Variants in C19orf12 observed in about 807,000 individuals in gnomAD.
C19orf12 encodes the protein protein C19orf12.
Under a neutral mutation model 3.8 loss-of-function variants are expected in C19orf12, and 2 were observed. The observed-to-expected ratio is 0.53, with a 90% confidence interval of 0.22 to 1.66. The LOEUF is 1.66. C19orf12 is among the 40% of genes most tolerant of loss of function. The pLI is 0.20. For missense variants in C19orf12, 156 were observed against 188.8 expected (o/e 0.83, Z 1.02); for synonymous variants, 89 against 84.6 (o/e 1.05, Z -0.28).
Position 29,699,495 on chromosome 19 carries a change from A to G in C19orf12, c.*3217T>C, listed in dbSNP as rs769521665. ...GAGACTCCATCTCAAAAAAAAAAAA[A>G]AGAAAAAAAGAAAAAAATATATGTG... On this transcript the variant is annotated 3_prime_UTR_variant, in exon 3 of 3. Coordinates refer to ENST00000323670, the MANE Select transcript of C19orf12 (RefSeq NM_031448.6). 4.1e-3 allele frequency: 1,716 copies of G among 417,224 alleles called. 27 individuals carry two copies. The highest frequency in any genetic ancestry group is 0.034 in the African/African-American group (1,602 of 47,154). 25.8% of individuals were successfully genotyped at this position (417,224 alleles called of 1,614,324 possible). A position where few individuals can be genotyped will look rare whatever the true frequency, so the allele number is the denominator to read the frequency against.
Position 29,699,614 on chromosome 19 carries a change from T to C in C19orf12, c.*3098A>G, listed in dbSNP as rs1184316261. The C allele has an allele frequency of 5.5e-6, 2 of 364,156 alleles. No individual in the cohort carries two copies. The highest frequency in any genetic ancestry group is 2.7e-5 in the Admixed American group (1 of 36,684). The allele number at this position is 364,156 out of a possible 1,614,324, so 22.6% of individuals were successfully genotyped here. A position where few individuals can be genotyped will look rare whatever the true frequency, so the allele number is the denominator to read the frequency against. ...GAAATTTGTAGTTTTTATTTCATTATATTTTCTGGGTTTTTCTAGGTTTTC... is the reference window on the plus strand; with the variant it reads ...GAAATTTGTAGTTTTTATTTCATTACATTTTCTGGGTTTTTCTAGGTTTTC... On this transcript the variant is annotated 3_prime_UTR_variant, in exon 3 of 3. Transcript: ENST00000323670.
intron 1 of C19orf12, among the ~76,000 whole-genome samples, chr19:29,709,685 C>CA (rs1419953185): frequency 6.6e-6 from 1 of 151,338 alleles, no homozygotes; most frequent in Non-Finnish European, 1.5e-5. Context: ...ATGCAATCAC[C>CA]ACGCCCAGCT....
At position 29,700,435 on chromosome 19, in the gene C19orf12, A is replaced by G. The variant is rs1387418820; in HGVS notation, c.*2277T>C. ...CTTCACACTAAAAACGGGCAACTTT[A>G]GAGCCCACTAAAGCTATACAAAATT... is the stretch of plus-strand genomic sequence containing the variant. On this transcript the variant is annotated 3_prime_UTR_variant, in exon 3 of 3. Transcript: ENST00000323670. The G allele has an allele frequency of 2.2e-6, 1 of 454,150 alleles. No homozygotes were observed. The highest frequency in any genetic ancestry group is 4.4e-6 in the Non-Finnish European group (1 of 226,798). The allele number at this position is 454,150 out of a possible 1,614,324, so 28.1% of individuals were successfully genotyped here.
At position 29,700,082 on chromosome 19, in the gene C19orf12, C is replaced by T; in HGVS notation, c.*2630G>A. ...AAACTGATCAGGAGTTGGACCATCT[C>T]CTCCCTGGGCATTTTTCCCTGCAGT... On this transcript the variant is annotated 3_prime_UTR_variant, in exon 3 of 3. Transcript: ENST00000323670. The T allele has an allele frequency of 2.2e-6, 1 of 454,066 alleles. No individual in the cohort carries two copies. The highest frequency in any genetic ancestry group is 4.4e-6 in the Non-Finnish European group (1 of 226,800). 28.1% of individuals were successfully genotyped at this position (454,066 alleles called of 1,614,324 possible). A position where few individuals can be genotyped will look rare whatever the true frequency, so the allele number is the denominator to read the frequency against.
chr19:29,699,786 G>A lies in C19orf12; in HGVS notation c.*2926C>T, dbSNP rs981059997. Reference sequence around the variant, plus strand: ...CTTCCCTTGCAGCTTGCGCCCTCCCGTACCTTTTAAATTTTGTACCAGGCA... The same window carrying A: ...CTTCCCTTGCAGCTTGCGCCCTCCCATACCTTTTAAATTTTGTACCAGGCA... On this transcript the variant is annotated 3_prime_UTR_variant, in exon 3 of 3. Transcript: ENST00000323670. The A allele has an allele frequency of 6.0e-5, 27 of 451,824 alleles. No individual in the cohort carries two copies. The highest frequency in any genetic ancestry group is 1.7e-4 in the Admixed American group (7 of 42,090). The allele number at this position is 451,824 out of a possible 1,614,324, so 28.0% of individuals were successfully genotyped here.
At chr19:29,714,515 G>A (rs1270864397) in intron 1 of C19orf12, among the ~76,000 whole-genome samples, 1 of 151,906 alleles carries the variant, frequency 6.6e-6, no homozygotes, top group African/African-American at 2.4e-5. Context: ...CAAACTACCT[G>A]CCATCCCCAA....
At chr19:29,712,975 G>A (rs1247886675) in intron 1 of C19orf12, among the ~76,000 whole-genome samples, 1 of 152,260 alleles carries the variant, frequency 6.6e-6, no homozygotes, top group Non-Finnish European at 1.5e-5. Context: ...CACGGGTAGA[G>A]ATGTTGTGGC....
In C19orf12 at chr19:29,699,491, AAAAAAG is replaced by A; in HGVS notation, c.*3215_*3220del. On this transcript the variant is annotated 3_prime_UTR_variant, in exon 3 of 3. Transcript: ENST00000323670. Reference sequence around the variant, plus strand: ...GTGCGAGACTCCATCTCAAAAAAAAAAAAAAGAAAAAAAGAAAAAAATATATGTGTA... The same window carrying A: ...GTGCGAGACTCCATCTCAAAAAAAAAAAAAAAAGAAAAAAATATATGTGTA... The A allele has an allele frequency of 2.4e-6, 1 of 421,238 alleles. No homozygotes were observed. Among genetic ancestry groups the A allele is most frequent in the Non-Finnish European group, 4.6e-6 (1 of 218,648 alleles). 26.1% of individuals were successfully genotyped at this position (421,238 alleles called of 1,614,324 possible).
Position 29,699,109 on chromosome 19 carries a change from T to C in C19orf12, c.*3603A>G. 1 of 453,966 alleles carries C rather than the reference T, an allele frequency of 2.2e-6. No individual in the cohort carries two copies. Among genetic ancestry groups the C allele is most frequent in the Non-Finnish European group, 4.4e-6 (1 of 226,752 alleles). The allele number at this position is 453,966 out of a possible 1,614,324, so 28.1% of individuals were successfully genotyped here. On this transcript the variant is annotated 3_prime_UTR_variant, in exon 3 of 3. Transcript: ENST00000323670. ...ATTTTAAATTACATCAAAAATATTA[T>C]TTAACATTCATTGATACAGGTGTTC...
At chr19:29,708,903 A>G (rs1258824035) in intron 1 of C19orf12, among the ~76,000 whole-genome samples, 2 of 152,198 alleles carry the variant, frequency 1.3e-5, no homozygotes, top group Non-Finnish European at 2.9e-5. Context: ...ACTGACCTGC[A>G]GTGGGCCCTG....
At chr19:29,715,060 T>G in intron 1 of C19orf12, 65 bp downstream of exon 1, 3 of 621,854 alleles carry the variant, frequency 4.8e-6, no homozygotes, top group Non-Finnish European at 2.9e-6. Flanking sequence ...GCTCTTGGGG[T>G]GCCCCCTCCT....
chr19:29,706,032 G>A (rs1446922764), intron 2 of C19orf12, among the ~76,000 whole-genome samples: 5 of 152,168 alleles, frequency 3.3e-5, no homozygotes. Context: ...CAAAACCAGC[G>A]CTTGCTTCTT....
At position 29,702,275 on chromosome 19, in the gene C19orf12, G is replaced by T. The variant is rs1048104; in HGVS notation, c.*437C>A. Reference sequence around the variant, plus strand: ...GGCCCTGAGACCCCAGGACCTGCAGGGGGGTGGGATCCAGTCCTGCAGCAG... The same window carrying T: ...GGCCCTGAGACCCCAGGACCTGCAGTGGGGTGGGATCCAGTCCTGCAGCAG... On this transcript the variant is annotated 3_prime_UTR_variant, in exon 3 of 3. Coordinates refer to ENST00000323670, the MANE Select transcript of C19orf12 (RefSeq NM_031448.6). 3.9e-5 allele frequency: 18 copies of T among 457,034 alleles called. No individual in the cohort carries two copies. Among genetic ancestry groups the T allele is most frequent in the African/African-American group, 3.2e-4 (16 of 50,264 alleles). The allele number at this position is 457,034 out of a possible 1,614,324, so 28.3% of individuals were successfully genotyped here.
rs548741838 is a variant in C19orf12 at position 29,708,632 on chromosome 19, C to T, written c.-10-209G>A. 28 of 636,868 alleles carry T rather than the reference C, an allele frequency of 4.4e-5. No individual in the cohort carries two copies. In the African/African-American group the frequency reaches 4.9e-4, roughly 11 times the overall value. The allele number at this position is 636,868 out of a possible 1,614,324, so 39.5% of individuals were successfully genotyped here. A position where few individuals can be genotyped will look rare whatever the true frequency, so the allele number is the denominator to read the frequency against. On this transcript the variant is annotated intron_variant, in intron 1 of 2. Coordinates refer to ENST00000323670, the MANE Select transcript of C19orf12 (RefSeq NM_031448.6). ...CAGTTAGTGAATAAGCAAATAGCAG[C>T]AGCTGAGTGGATGAAAGGTCTTCTT...
At chr19:29,708,935 C>T (rs1277966003) in intron 1 of C19orf12, among the ~76,000 whole-genome samples, 1 of 152,204 alleles carries the variant, frequency 6.6e-6, no homozygotes, top group Admixed American at 6.5e-5. Flanking sequence ...AGATACCTCC[C>T]TTCTAAGACG....
At chr19:29,706,854 G>C (rs369833798) in intron 2 of C19orf12, among the ~76,000 whole-genome samples, 2 of 152,222 alleles carry the variant, frequency 1.3e-5, no homozygotes, top group Non-Finnish European at 2.9e-5. Flanking sequence ...GCTGGGGAAC[G>C]GAAGCCAACC....
At chr19:29,709,860 G>T (rs932831409) in intron 1 of C19orf12, among the ~76,000 whole-genome samples, 3 of 151,398 alleles carry the variant, frequency 2.0e-5, no homozygotes, top group East Asian at 2.0e-4. Flanking sequence ...GTTTTATGAG[G>T]TTTTTTTGTT....
intron 1 of C19orf12, among the ~76,000 whole-genome samples, chr19:29,714,135 G>A (rs566970757): frequency 1.3e-5 from 2 of 152,004 alleles, no homozygotes; most frequent in South Asian, 2.1e-4. Flanking sequence ...CAATTCTTCC[G>A]CCTCGGCCTC....
In C19orf12 at chr19:29,701,227, A is replaced by C. The variant is rs1244514421; in HGVS notation, c.*1485T>G. 8.8e-6 allele frequency: 4 copies of C among 453,954 alleles called. No individual in the cohort carries two copies. The highest frequency in any genetic ancestry group is 8.0e-5 in the African/African-American group (4 of 50,006). The allele number at this position is 453,954 out of a possible 1,614,324, so 28.1% of individuals were successfully genotyped here. ...TCGTAGTTCTGAAAGCAAAGTGAAA[A>C]CACACAGTACAGCTATGCCTCAGTA... On this transcript the variant is annotated 3_prime_UTR_variant, in exon 3 of 3. Coordinates refer to ENST00000323670, the MANE Select transcript of C19orf12 (RefSeq NM_031448.6).
Sources: gnomAD v4.1 joint callset for allele counts (sites outside exome capture counted in the v4.1 genomes callset) on GRCh38, gnomAD v4.1.1 for gene constraint, MANE v1.5 for transcripts, NCBI Gene and HGNC (gene_info 2026-07-23, HGNC 2026-07-21) for gene names.